ZDHHC22: variants seen among roughly 807,000 people sequenced by gnomAD.
ZDHHC22 encodes zDHHC palmitoyltransferase 22, also known as palmitoyltransferase ZDHHC22.
ZDHHC22 carries 13 observed loss-of-function variants against 17.0 expected under a neutral mutation model. That is an observed-to-expected ratio of 0.76 (90% CI 0.50 to 1.21). The LOEUF is 1.21. Ranked by LOEUF, ZDHHC22 falls within the 50% of genes most tolerant of loss-of-function variation. The probability of loss-of-function intolerance (pLI) is 0.00; values close to 1 mark genes in which losing one functional copy is unlikely to be tolerated. For synonymous variants in ZDHHC22, 138 were observed against 154.7 expected (o/e 0.89, Z 0.80); for missense variants, 319 against 342.3 (o/e 0.93, Z 0.54).
intron 2 of ZDHHC22, 47 bp from the exon 3 acceptor site, chr14:77,133,995 G>C (rs750160086): frequency 6.6e-7 from 1 of 1,508,094 alleles, no homozygotes; most frequent in Non-Finnish European, 8.9e-7. Flanking sequence ...TTACACCCAG[G>C]CCACCGGCAT....
In ZDHHC22 at chr14:77,139,535, G is replaced by A. The variant is rs745537293; in HGVS notation, c.204C>T (p.Val68=). 1 of 1,609,168 alleles carries A rather than the reference G, an allele frequency of 6.2e-7. No homozygotes were observed. Among genetic ancestry groups the A allele is most frequent in the Non-Finnish European group, 8.5e-7 (1 of 1,177,866 alleles). The stretch of plus-strand genomic sequence containing the variant: ...CCAGGTCGTCTGGGGAGTTCTGGAT[G>A]ACAAGGACGTAATTGCCCAGGGCGT... The part of the protein sequence containing the change: ...SANALGNYVL[V]IQNSPDDLGA... The change falls in exon 2 of 3, where the codon GTC becomes GTT. Residue 68 remains valine (V), a synonymous_variant. Transcript: ENST00000319374.
In ZDHHC22 at chr14:77,132,098, C is replaced by G. The variant is rs920141445; in HGVS notation, c.*1585G>C. The stretch of plus-strand genomic sequence containing the variant: ...ATGGATGTCATATTGGCTTTGGGAC[C>G]CAGTCAGGAGGGGGCACTTGTGTTG... On this transcript the variant is annotated 3_prime_UTR_variant, in exon 3 of 3. Coordinates refer to ENST00000319374, the MANE Select transcript of ZDHHC22 (RefSeq NM_174976.2). 4.6e-5 allele frequency: 7 copies of G among 152,232 alleles called. No homozygotes were observed. Among genetic ancestry groups the G allele is most frequent in the Non-Finnish European group, 8.8e-5 (6 of 68,060 alleles). The allele number at this position is 152,232 out of a possible 1,614,324, so 9.4% of individuals were successfully genotyped here.
Position 77,139,729 on chromosome 14 carries a change from G to A in ZDHHC22, c.10C>T (p.Leu4=). 1.3e-6 allele frequency: 2 copies of A among 1,503,862 alleles called. No individual in the cohort carries two copies. The highest frequency in any genetic ancestry group is 8.9e-7 in the Non-Finnish European group (1 of 1,127,032). The allele number at this position is 1,503,862 out of a possible 1,614,324, so 93.2% of individuals were successfully genotyped here. Residue 4 remains leucine (L), a synonymous_variant, in exon 2 of 3, where the codon CTG becomes TTG. Transcript: ENST00000319374. The part of the protein sequence containing the change: MLA[L]RLLNVVAPAY... ...GGGGCCACCACGTTGAGCAGCCGCA[G>A]GGCCAGCATCCTCGATTACATTCCT...
At position 77,133,627 on chromosome 14, in the gene ZDHHC22, T is replaced by C; in HGVS notation, c.*56A>G. ...TGGGTGGAGACAAGGCTGCCATGGT[T>C]TTATGCTCAGGAGGAGTCAAGACAG... On this transcript the variant is annotated 3_prime_UTR_variant, in exon 3 of 3. Coordinates refer to ENST00000319374, the MANE Select transcript of ZDHHC22 (RefSeq NM_174976.2). 6.4e-7 allele frequency: 1 copy of C among 1,566,906 alleles called. No individual in the cohort carries two copies. Among genetic ancestry groups the C allele is most frequent in the South Asian group, 1.2e-5 (1 of 81,760 alleles).
rs890207620 is a variant in ZDHHC22, at chr14:77,139,108, A to G, written c.526+105T>C. 11 of 1,277,814 alleles carry G rather than the reference A, an allele frequency of 8.6e-6. No homozygotes were observed. The South Asian group carries it at 1.7e-4, about 20-fold the overall frequency. The allele number at this position is 1,277,814 out of a possible 1,614,324, so 79.2% of individuals were successfully genotyped here. A position where few individuals can be genotyped will look rare whatever the true frequency, so the allele number is the denominator to read the frequency against. On this transcript the variant is annotated intron_variant, in intron 2 of 2. Transcript: ENST00000319374. ...ATTTAGCGGGACGGTCTGTATTTTT[A>G]TTTGCTAAATCTGGCAACTTTTGGG... is the stretch of plus-strand genomic sequence containing the variant.
At chr14:77,135,194 G>C (rs909337963) in intron 2 of ZDHHC22, among the ~76,000 whole-genome samples, 2 of 151,834 alleles carry the variant, frequency 1.3e-5, no homozygotes, top group Non-Finnish European at 1.5e-5. Flanking sequence ...CTCTGGTGGG[G>C]GGGGGGCACC....
chr14:77,139,525 A>C lies in ZDHHC22; in HGVS notation c.214T>G (p.Ser72Ala). ...TGGCAGGCCCCCAGGTCGTCTGGGG[A>C]GTTCTGGATGACAAGGACGTAATTG... ...LGNYVLVIQN[S>A]PDDLGACQGA... is the part of the protein sequence containing the mutation. Residue 72 changes from serine to alanine, a missense_variant, in exon 2 of 3, where the codon TCC becomes GCC. By Grantham distance (99) the Ser-to-Ala change is moderately conservative. Transcript: ENST00000319374. 1 of 1,610,238 alleles carries C rather than the reference A, an allele frequency of 6.2e-7. No individual in the cohort carries two copies.
rs1423066568 is a variant in ZDHHC22 at position 77,132,814 on chromosome 14, T to TCACA, written c.*868_*869insTGTG. Reference sequence around the variant, plus strand: ...CACCACCCATCTCTCTCTCTCTCTCTCTCACACACACACACACACACACAC... The same window carrying TCACA: ...CACCACCCATCTCTCTCTCTCTCTCTCACACTCACACACACACACACACACACAC... On this transcript the variant is annotated 3_prime_UTR_variant, in exon 3 of 3. Coordinates refer to ENST00000319374, the MANE Select transcript of ZDHHC22 (RefSeq NM_174976.2). 3.9e-5 allele frequency: 3 copies of TCACA among 76,560 alleles called. No homozygotes were observed. Among genetic ancestry groups the TCACA allele is most frequent in the African/African-American group, 1.9e-4 (3 of 15,414 alleles). 4.7% of individuals were successfully genotyped at this position (76,560 alleles called of 1,614,324 possible). A position where few individuals can be genotyped will look rare whatever the true frequency, so the allele number is the denominator to read the frequency against.
chr14:77,135,200 G>GGGC (rs1566811466), intron 2 of ZDHHC22, among the ~76,000 whole-genome samples: 1 of 147,360 alleles, frequency 6.8e-6, no homozygotes, highest in Non-Finnish European at 1.5e-5. Context: ...TGGGGGGGGG[G>GGGC]CACCTCCTCT....
intron 2 of ZDHHC22, among the ~76,000 whole-genome samples, chr14:77,134,561 A>C (rs1887100252): frequency 6.6e-6 from 1 of 152,122 alleles, no homozygotes; most frequent in African/African-American, 2.4e-5. Context: ...AATGTTAACA[A>C]GAGGACAGTG....
rs1291315399 is a variant in ZDHHC22, at chr14:77,139,205, C to A, written c.526+8G>T. On this transcript the variant is annotated splice_region_variant and intron_variant, in intron 2 of 2. Transcript: ENST00000319374. ...TAGAGCCCAACCTGCCCGCCAAGGC[C>A]CACTCACCGGAGAAGAACTGGCTGA... is the stretch of plus-strand genomic sequence containing the variant. The A allele has an allele frequency of 1.9e-6, 3 of 1,564,758 alleles. No individual in the cohort carries two copies. Among genetic ancestry groups the A allele is most frequent in the Admixed American group, 1.9e-5 (1 of 52,686 alleles).
chr14:77,139,526 G>C lies in ZDHHC22; in HGVS notation c.213C>G (p.Asn71Lys). 1.2e-6 allele frequency: 2 copies of C among 1,610,262 alleles called. No individual in the cohort carries two copies. Among genetic ancestry groups the C allele is most frequent in the Non-Finnish European group, 1.7e-6 (2 of 1,178,430 alleles). Residue 71 changes from asparagine to lysine, a missense_variant, in exon 2 of 3, where the codon AAC becomes AAG. Physicochemically the swap from Asn to Lys is moderately conservative, Grantham distance 94. Coordinates refer to ENST00000319374, the MANE Select transcript of ZDHHC22 (RefSeq NM_174976.2). ...ALGNYVLVIQ[N>K]SPDDLGACQG... ...GGCAGGCCCCCAGGTCGTCTGGGGA[G>C]TTCTGGATGACAAGGACGTAATTGC...
Position 77,135,473 on chromosome 14 carries a change from A to T in ZDHHC22, c.527-1525T>A, listed in dbSNP as rs1009337486. 3.6e-3 allele frequency among the ~76,000 whole-genome samples: 535 copies of T among 148,422 alleles called. 3 individuals carry two copies. The highest frequency in any genetic ancestry group is 0.012 in the African/African-American group (498 of 40,300). Reference sequence around the variant, plus strand: ...CCCTAGGAGCTTGGATAGCTGTATTATTTTTTTTTTTTTTTACAAAGCTGG... The same window carrying T: ...CCCTAGGAGCTTGGATAGCTGTATTTTTTTTTTTTTTTTTTACAAAGCTGG... On this transcript the variant is annotated intron_variant, in intron 2 of 2. Transcript: ENST00000319374.
rs1446107485 is a variant in ZDHHC22 at position 77,139,315 on chromosome 14, C to A, written c.424G>T (p.Val142Leu). The A allele has an allele frequency of 6.2e-7, 1 of 1,601,152 alleles. No homozygotes were observed. Residue 142 changes from valine (V) to leucine (L), a missense_variant, in exon 2 of 3, where the codon GTG becomes TTG. Physicochemically the swap from Val to Leu is conservative, Grantham distance 32. Coordinates refer to ENST00000319374, the MANE Select transcript of ZDHHC22 (RefSeq NM_174976.2). ...YTSLACLYSM[V>L]AGVAYISAVL... ...GCGGAGATGTAGGCCACGCCGGCCA[C>A]CATGGAGTAGAGGCAGGCCAGGGAG...
intron 2 of ZDHHC22, among the ~76,000 whole-genome samples, chr14:77,138,592 C>T (rs1171989854): frequency 6.6e-6 from 1 of 151,982 alleles, no homozygotes; most frequent in Non-Finnish European, 1.5e-5. Flanking sequence ...CTGCCTCTCC[C>T]ACCCACGTTC....
chr14:77,138,225 C>T (rs892322177), intron 2 of ZDHHC22, among the ~76,000 whole-genome samples: 1 of 152,070 alleles, frequency 6.6e-6, no homozygotes, highest in African/African-American at 2.4e-5. Context: ...CTTCTAGGGC[C>T]AGGTATCAGG....
intron 1 of ZDHHC22, 113 bp from the exon 2 acceptor site, chr14:77,139,865 AC>A: frequency 1.8e-6 from 2 of 1,135,018 alleles, no homozygotes; most frequent in Non-Finnish European, 1.2e-6. Flanking sequence ...CACGCCCCCA[AC>A]CCCCTGTCCC....
In ZDHHC22 at chr14:77,138,450, C is replaced by T. The variant is rs191744213; in HGVS notation, c.526+763G>A. The stretch of plus-strand genomic sequence containing the variant: ...GCACGCACCTGTAATCCCAGCTACT[C>T]GGGAGGTTGAGGCAAGAGAATCACT... On this transcript the variant is annotated intron_variant, in intron 2 of 2. Coordinates refer to ENST00000319374, the MANE Select transcript of ZDHHC22 (RefSeq NM_174976.2). Among the ~76,000 whole-genome samples the T allele has an allele frequency of 9.9e-5, 15 of 152,098 alleles. 1 individual carries two copies. In the East Asian group the frequency reaches 1.5e-3, roughly 16 times the overall value.
At chr14:77,134,595 AG>A (rs916128490) in intron 2 of ZDHHC22, among the ~76,000 whole-genome samples, 2 of 152,208 alleles carry the variant, frequency 1.3e-5, no homozygotes, top group African/African-American at 4.8e-5. Context: ...ATTCCACCAG[AG>A]CTGGTTCTGT....
Sources: allele counts gnomAD v4.1 joint callset (sites outside exome capture counted in the v4.1 genomes callset), GRCh38; gene constraint gnomAD v4.1.1; transcripts MANE v1.5; gene names NCBI Gene and HGNC (gene_info 2026-07-23, HGNC 2026-07-21).